The following PDGFC variants were observed in gnomAD, a reference collection of about 807,000 sequenced individuals.
PDGFC encodes platelet derived growth factor C.
Under a neutral mutation model 35.5 loss-of-function variants are expected in PDGFC, and 12 were observed. The observed-to-expected ratio is 0.34, with a 90% CI of 0.22 to 0.55. The LOEUF (loss-of-function observed/expected upper bound fraction) is 0.55, where lower values mean the gene tolerates loss of function less well. Among genes scored for constraint, PDGFC ranks in the 20% least tolerant of loss-of-function variants. The pLI is 0.91. For missense variants in PDGFC, 322 were observed against 412.4 expected (o/e 0.78, Z 1.90); for synonymous variants, 159 against 148.8 (o/e 1.07, Z -0.50).
chr4:156,929,483 A>G (rs1453727940), intron 1 of PDGFC, among the ~76,000 whole-genome samples: 3 of 151,892 alleles, frequency 2.0e-5, no homozygotes, highest in African/African-American at 7.3e-5. Context: ...AAGGCCAATA[A>G]AAAAAACAGA....
At chr4:156,901,517 T>C (rs1296070331) in intron 1 of PDGFC, among the ~76,000 whole-genome samples, 1 of 151,896 alleles carries the variant, frequency 6.6e-6, no homozygotes, top group Non-Finnish European at 1.5e-5. Flanking sequence ...AAATAAGAAG[T>C]TGGAGAACAA....
At chr4:156,837,201 A>C (rs755702851) in intron 2 of PDGFC, among the ~76,000 whole-genome samples, 1 of 152,204 alleles carries the variant, frequency 6.6e-6, no homozygotes, top group Non-Finnish European at 1.5e-5. Context: ...ATACAGTTAG[A>C]AGTACTTTAT....
At chr4:156,859,122 T>C (rs1045546485) in intron 1 of PDGFC, among the ~76,000 whole-genome samples, 1 of 152,076 alleles carries the variant, frequency 6.6e-6, no homozygotes, top group Admixed American at 6.6e-5. Flanking sequence ...ATTTAAAAGA[T>C]ACTTAAAATT....
chr4:156,919,246 A>T (rs962879322), intron 1 of PDGFC, among the ~76,000 whole-genome samples: 3 of 152,224 alleles, frequency 2.0e-5, no homozygotes, highest in Non-Finnish European at 4.4e-5. Context: ...TTTAAAAAGA[A>T]AAACTGACAA....
intron 1 of PDGFC, chr4:156,886,991 T>C (rs1219874096): frequency 6.6e-6 from 1 of 152,238 alleles, no homozygotes; most frequent in Non-Finnish European, 1.5e-5. Flanking sequence ...AGAAGTATCT[T>C]AACTGATGTT....
At chr4:156,970,152 C>T (rs1460419790) in intron 1 of PDGFC, among the ~76,000 whole-genome samples, 1 of 152,154 alleles carries the variant, frequency 6.6e-6, no homozygotes, top group Non-Finnish European at 1.5e-5. Flanking sequence ...GTTTCCAGCA[C>T]ACACAAAATA....
intron 2 of PDGFC, among the ~76,000 whole-genome samples, chr4:156,822,814 T>C (rs546223649): frequency 6.6e-6 from 1 of 152,144 alleles, no homozygotes; most frequent in East Asian, 1.9e-4. Context: ...CAGGCTGGAG[T>C]GCCATGGTGC....
rs1560840273 is a variant in PDGFC at position 156,850,392 on chromosome 4, C to G, written c.143G>C (p.Arg48Thr). ...TCCATTAGTAGACACAGTAATAATT[C>G]TCTCATGCTGAGGATCTTGTACTCC... ...QNGVQDPQHE[R>T]IITVSTNGSI... Residue 48 changes from arginine (R) to threonine (T), a missense_variant, in exon 2 of 6, where the codon AGA becomes ACA. Physicochemically the swap from Arg to Thr is moderately conservative, Grantham distance 71. This residue lies in a region of PDGFC where 120 missense variants were observed against 116.6 expected (regional missense o/e 1.03). Transcript: ENST00000502773. The G allele has an allele frequency of 1.3e-6, 2 of 1,596,016 alleles. No individual in the cohort carries two copies.
At chr4:156,773,946 A>G (rs1036256845) in intron 3 of PDGFC, among the ~76,000 whole-genome samples, 2 of 152,204 alleles carry the variant, frequency 1.3e-5, no homozygotes, top group African/African-American at 4.8e-5. Context: ...CATTCTCATT[A>G]CTTCCATCCT....
chr4:156,878,657 C>G (rs997989680), intron 1 of PDGFC, among the ~76,000 whole-genome samples: 1 of 151,962 alleles, frequency 6.6e-6, no homozygotes, highest in Non-Finnish European at 1.5e-5. Context: ...GCAATATACT[C>G]CAATGAGAAT....
At chr4:156,825,581 T>TAAGAAGAAGAAG (rs1485958597) in intron 2 of PDGFC, among the ~76,000 whole-genome samples, 150 of 92,540 alleles carry the variant, frequency 1.6e-3, no homozygotes, top group Middle Eastern at 4.8e-3. Flanking sequence ...ATAATAATAA[T>TAAGAAGAAGAAG]AATAATAATA....
chr4:156,851,798 G>A (rs1729460286), intron 1 of PDGFC, among the ~76,000 whole-genome samples: 1 of 151,706 alleles, frequency 6.6e-6, no homozygotes, highest in Non-Finnish European at 1.5e-5. Flanking sequence ...GGGTGCAGGG[G>A]CGGGCGCCTG....
chr4:156,812,949 A>T (rs1218432688), intron 2 of PDGFC, among the ~76,000 whole-genome samples: 1 of 152,052 alleles, frequency 6.6e-6, no homozygotes, highest in Admixed American at 6.6e-5. Flanking sequence ...CAAAGAGGAG[A>T]TATGATTTTG....
At chr4:156,787,204 AG>A (rs1731151761) in intron 3 of PDGFC, among the ~76,000 whole-genome samples, 1 of 152,106 alleles carries the variant, frequency 6.6e-6, no homozygotes, top group South Asian at 2.1e-4. Context: ...TGAGAGAGAG[AG>A]AAGGAGGAAC....
intron 1 of PDGFC, among the ~76,000 whole-genome samples, chr4:156,887,038 A>G (rs1730392869): frequency 1.3e-5 from 2 of 152,224 alleles, no homozygotes; most frequent in African/African-American, 4.8e-5. Context: ...GTATTCACAC[A>G]TAATACACAT....
At chr4:156,848,165 A>T (rs1236273555) in intron 2 of PDGFC, among the ~76,000 whole-genome samples, 2 of 151,926 alleles carry the variant, frequency 1.3e-5, no homozygotes, top group Non-Finnish European at 2.9e-5. Context: ...TAATAAATAT[A>T]AAAATTTCTC....
At chr4:156,812,801 C>T (rs1731974587) in intron 2 of PDGFC, among the ~76,000 whole-genome samples, 2 of 152,070 alleles carry the variant, frequency 1.3e-5, no homozygotes, top group Admixed American at 1.3e-4. Context: ...TGTGCAGCAC[C>T]TAAAACATTG....
intron 1 of PDGFC, among the ~76,000 whole-genome samples, chr4:156,878,482 A>G (rs1337044176): frequency 1.3e-5 from 2 of 152,212 alleles, no homozygotes; most frequent in African/African-American, 4.8e-5. Flanking sequence ...GTTCAAAAAC[A>G]CATATGGCTT....
chr4:156,893,366 G>A (rs1730559177), intron 1 of PDGFC, among the ~76,000 whole-genome samples: 1 of 151,162 alleles, frequency 6.6e-6, no homozygotes, highest in Non-Finnish European at 1.5e-5. Context: ...CAGGGTCTTG[G>A]TCTGTCACCT....
Sources: gnomAD v4.1 joint callset for allele counts (sites outside exome capture counted in the v4.1 genomes callset) on GRCh38, gnomAD v4.1.1 for gene constraint, gnomAD v4.1.1 regional missense constraint, MANE v1.5 for transcripts, NCBI Gene and HGNC (gene_info 2026-07-23, HGNC 2026-07-21) for gene names.